Variants in KCNK13 observed in about 807,000 individuals in gnomAD.
KCNK13 encodes potassium two pore domain channel subfamily K member 13, also known as potassium channel subfamily K member 13.
In KCNK13, 12 loss-of-function variants were observed where a neutral mutation model predicts 23.4. The observed-to-expected ratio is 0.51, with a 90% confidence interval of 0.33 to 0.83. KCNK13 has a LOEUF of 0.83. Among genes scored for constraint, KCNK13 ranks in the 40% least tolerant of loss-of-function variants. The pLI is 0.02. For synonymous variants in KCNK13, 231 were observed against 229.5 expected (o/e 1.01, Z -0.06); for missense variants, 463 against 556.3 (o/e 0.83, Z 1.69).
intron 1 of KCNK13, among the ~76,000 whole-genome samples, chr14:90,149,559 G>A (rs1330875602): frequency 1.3e-5 from 2 of 152,160 alleles, no homozygotes; most frequent in African/African-American, 4.8e-5. Flanking sequence ...CACAGGAGAA[G>A]TATGCCCCCG....
At chr14:90,094,571 C>T (rs1276362154) in intron 1 of KCNK13, among the ~76,000 whole-genome samples, 1 of 151,910 alleles carries the variant, frequency 6.6e-6, no homozygotes, top group Non-Finnish European at 1.5e-5. Flanking sequence ...ATGTCAGGGG[C>T]AGCACAGCAC....
chr14:90,161,322 A>G (rs1890251018), intron 1 of KCNK13, among the ~76,000 whole-genome samples: 1 of 152,240 alleles, frequency 6.6e-6, no homozygotes, highest in Middle Eastern at 3.2e-3. Flanking sequence ...GTTACTGTTT[A>G]TAAGCACAGA....
intron 1 of KCNK13, among the ~76,000 whole-genome samples, chr14:90,173,904 G>A (rs1002963391): frequency 1.3e-5 from 2 of 152,324 alleles, no homozygotes; most frequent in South Asian, 2.1e-4. Flanking sequence ...AGTTCTGCAT[G>A]GCTGAGAAGG....
intron 1 of KCNK13, among the ~76,000 whole-genome samples, chr14:90,145,441 C>G (rs1488308360): frequency 6.6e-6 from 1 of 152,098 alleles, no homozygotes; most frequent in Non-Finnish European, 1.5e-5. Flanking sequence ...GGGATAAATT[C>G]TCCTTAATTA....
chr14:90,135,544 C>T (rs1186813389), intron 1 of KCNK13, among the ~76,000 whole-genome samples: 1 of 152,208 alleles, frequency 6.6e-6, no homozygotes, highest in African/African-American at 2.4e-5. Flanking sequence ...TTCTGCCTTC[C>T]TCGCCATATG....
chr14:90,102,885 G>A (rs1889498325), intron 1 of KCNK13, among the ~76,000 whole-genome samples: 1 of 152,132 alleles, frequency 6.6e-6, no homozygotes, highest in African/African-American at 2.4e-5. Flanking sequence ...TTGTACTCAG[G>A]TAATAAGCAT....
intron 1 of KCNK13, among the ~76,000 whole-genome samples, chr14:90,157,508 G>A (rs944081028): frequency 5.9e-5 from 9 of 151,532 alleles, no homozygotes; most frequent in Non-Finnish European, 1.0e-4. Flanking sequence ...AAATCCTCTC[G>A]CTCCGGCCTC....
intron 1 of KCNK13, among the ~76,000 whole-genome samples, chr14:90,107,040 A>G (rs1889552344): frequency 6.6e-6 from 1 of 151,850 alleles, no homozygotes; most frequent in South Asian, 2.1e-4. Flanking sequence ...AAAGTACATA[A>G]ATATATAAAT....
intron 1 of KCNK13, among the ~76,000 whole-genome samples, chr14:90,096,979 C>T (rs1889417574): frequency 6.6e-6 from 1 of 152,146 alleles, no homozygotes; most frequent in African/African-American, 2.4e-5. Flanking sequence ...ATCCCTTGTC[C>T]ACTGAGGTGC....
intron 1 of KCNK13, among the ~76,000 whole-genome samples, chr14:90,140,642 T>G (rs1379635708): frequency 4.6e-5 from 7 of 152,178 alleles, no homozygotes; most frequent in African/African-American, 1.4e-4. Context: ...CCCTGTAAGA[T>G]CCTGCTGTAC....
At chr14:90,090,728 A>G (rs1349191121) in intron 1 of KCNK13, among the ~76,000 whole-genome samples, 1 of 152,206 alleles carries the variant, frequency 6.6e-6, no homozygotes, top group Non-Finnish European at 1.5e-5. Flanking sequence ...AGGTAATTGA[A>G]TCATGGAGGT....
chr14:90,149,524 G>A (rs74518490), intron 1 of KCNK13, among the ~76,000 whole-genome samples: 9,885 of 152,250 alleles, frequency 0.065, 413 homozygotes, highest in South Asian at 0.21. Flanking sequence ...ATCAGATCTC[G>A]TGAGATTCAC....
intron 1 of KCNK13, among the ~76,000 whole-genome samples, chr14:90,089,019 A>G (rs1478072397): frequency 6.6e-6 from 1 of 152,182 alleles, no homozygotes. Flanking sequence ...AGTCTCGGAT[A>G]TGTCTTTATC....
intron 1 of KCNK13, among the ~76,000 whole-genome samples, chr14:90,167,699 C>T (rs1220653206): frequency 2.0e-5 from 3 of 152,238 alleles, no homozygotes; most frequent in African/African-American, 2.4e-5. Flanking sequence ...ACACCCCTGC[C>T]GAAAGCTGGT....
intron 1 of KCNK13, among the ~76,000 whole-genome samples, chr14:90,096,233 C>T (rs929224289): frequency 2.9e-4 from 44 of 152,150 alleles, no homozygotes; most frequent in African/African-American, 9.9e-4. Context: ...CTCTCCCCTC[C>T]CTGGAGGTTG....
At chr14:90,107,672 A>G (rs1415592426) in intron 1 of KCNK13, 1 of 713,022 alleles carries the variant, frequency 1.4e-6, no homozygotes, top group Non-Finnish European at 2.6e-6. Context: ...GCAGCCTGTC[A>G]GCATGGCTCA....
intron 1 of KCNK13, among the ~76,000 whole-genome samples, chr14:90,167,873 CT>C (rs1890322016): frequency 6.6e-6 from 1 of 152,198 alleles, no homozygotes. Context: ...GGAAGAAACA[CT>C]TTCCTCTCTT....
intron 1 of KCNK13, among the ~76,000 whole-genome samples, chr14:90,142,801 T>C (rs1408933958): frequency 6.6e-6 from 1 of 152,242 alleles, no homozygotes; most frequent in Non-Finnish European, 1.5e-5. Context: ...CATGTGCTTA[T>C]GTATGGGAGC....
chr14:90,166,541 A>G (rs951219227), intron 1 of KCNK13, among the ~76,000 whole-genome samples: 1 of 152,076 alleles, frequency 6.6e-6, no homozygotes, highest in Non-Finnish European at 1.5e-5. Context: ...CCCCATCTCT[A>G]CTAAAAATAC....
Sources: allele counts gnomAD v4.1 joint callset (sites outside exome capture counted in the v4.1 genomes callset), GRCh38; gene constraint gnomAD v4.1.1; transcripts MANE v1.5; gene names NCBI Gene and HGNC (gene_info 2026-07-23, HGNC 2026-07-21).